NAT10: variants seen among roughly 807,000 people sequenced by gnomAD.
NAT10 encodes RNA cytidine acetyltransferase.
In NAT10, 109 loss-of-function variants were observed where a neutral mutation model predicts 132.2. That is an observed-to-expected ratio of 0.82 (90% confidence interval 0.71 to 0.97). The LOEUF (loss-of-function observed/expected upper bound fraction) is 0.97, where lower values mean the gene tolerates loss of function less well. Ranked by LOEUF, NAT10 falls within the 50% of genes least tolerant of loss-of-function variation. The pLI is 0.00. For missense variants in NAT10, 1,184 were observed against 1,263.4 expected, an observed-to-expected ratio of 0.94 and a Z score of 0.95; for synonymous variants, 479 against 478.0, an observed-to-expected ratio of 1.00 and a Z score of -0.03.
At position 34,134,348 on chromosome 11, in the gene NAT10, G is replaced by C. The variant is rs749592592; in HGVS notation, c.1764G>C (p.Gln588His). 2.0e-5 allele frequency: 32 copies of C among 1,614,108 alleles called. No homozygotes were observed. Among genetic ancestry groups the C allele is most frequent in the Non-Finnish European group, 2.6e-5 (31 of 1,180,048 alleles). Residue 588 changes from glutamine (Q) to histidine (H), a missense_variant, in exon 17 of 29, where the codon CAG (glutamine) becomes CAC (histidine). Gln to His is a conservative substitution (Grantham distance 24). Coordinates refer to ENST00000257829, the MANE Select transcript of NAT10 (RefSeq NM_024662.3). ...QVCLEGEISR[Q>H]SILNSLSRGK... ...GCCTTGAAGGGGAGATTTCTCGCCA[G>C]TCCATCTTGAACAGTCTGTCTCGAG...
chr11:34,118,974 T>G (rs926466679), intron 8 of NAT10, among the ~76,000 whole-genome samples: 1 of 152,240 alleles, frequency 6.6e-6, no homozygotes, highest in African/African-American at 2.4e-5. Flanking sequence ...ACCTGTGTTC[T>G]GAAATTTCAG....
At chr11:34,106,421 AT>A (rs199999125) in intron 1 of NAT10, among the ~76,000 whole-genome samples, 515 of 141,864 alleles carry the variant, frequency 3.6e-3, no homozygotes, top group Admixed American at 4.1e-3. Flanking sequence ...CAGTATAGCT[AT>A]TTTTTTTTTT....
At chr11:34,138,285 G>A (rs138991163) in intron 21 of NAT10, among the ~76,000 whole-genome samples, 82 of 152,284 alleles carry the variant, frequency 5.4e-4, no homozygotes, top group Non-Finnish European at 7.2e-4. Flanking sequence ...TCAGTTGGCT[G>A]GCTGATCTGG....
intron 28 of NAT10, among the ~76,000 whole-genome samples, chr11:34,144,087 T>C (rs1388032685): frequency 6.6e-6 from 1 of 152,202 alleles, no homozygotes; most frequent in Non-Finnish European, 1.5e-5. Flanking sequence ...TCTTAACAAT[T>C]AAGGTCCCCA....
chr11:34,136,738 C>A lies in NAT10; in HGVS notation c.2125C>A (p.Leu709Met), dbSNP rs1453878497. The part of the protein sequence containing the change: ...NERPAERLDY[L>M]GVSYGLTPRL... ...GAGGCCTGCCGAACGCCTGGATTAC[C>A]TGGGTGTTTCCTATGGCTTGACCCC... Residue 709 changes from leucine to methionine, a missense_variant, in exon 20 of 29, where the codon CTG (leucine) becomes ATG (methionine). Coordinates refer to ENST00000257829, the MANE Select transcript of NAT10 (RefSeq NM_024662.3). The A allele has an allele frequency of 6.2e-7, 1 of 1,614,176 alleles. No individual in the cohort carries two copies.
At chr11:34,120,143 G>GT (rs771235436) in intron 8 of NAT10, among the ~76,000 whole-genome samples, 78,937 of 94,162 alleles carry the variant, frequency 0.84, 34,097 homozygotes, top group East Asian at 0.96. Flanking sequence ...GTTGCTGTTG[G>GT]TTTTTTTTTT....
Position 34,112,376 on chromosome 11 carries a change from C to A in NAT10, c.372+153C>A, listed in dbSNP as rs369195501. ...TATTAGTGGAAGTCCTGGCCACTTTCCAAAGTACACTCGGTCACCTACCCC... is the reference window on the plus strand; with the variant it reads ...TATTAGTGGAAGTCCTGGCCACTTTACAAAGTACACTCGGTCACCTACCCC... On this transcript the variant is annotated intron_variant, in intron 4 of 28. Transcript: ENST00000257829. Among the ~76,000 whole-genome samples, 4 of 152,290 alleles carry A rather than the reference C, an allele frequency of 2.6e-5. No individual in the cohort carries two copies. The East Asian group carries it at 7.7e-4, about 29-fold the overall frequency.
In NAT10 at chr11:34,134,366, G is replaced by A. The variant is rs1852168311; in HGVS notation, c.1782G>A (p.Leu594=). The part of the protein sequence containing the change: ...EISRQSILNS[L]SRGKKASGDL... The stretch of plus-strand genomic sequence containing the variant: ...CTCGCCAGTCCATCTTGAACAGTCT[G>A]TCTCGAGGCAAGAAGGCTTCAGGGG... The change falls in exon 17 of 29, where the codon CTG becomes CTA. Residue 594 remains leucine (L), a synonymous_variant. Transcript: ENST00000257829. The A allele has an allele frequency of 3.1e-6, 5 of 1,614,242 alleles. No homozygotes were observed. The highest frequency in any genetic ancestry group is 2.2e-5 in the South Asian group (2 of 91,090).
intron 1 of NAT10, among the ~76,000 whole-genome samples, chr11:34,106,624 A>G (rs1454350794): frequency 6.6e-6 from 1 of 152,202 alleles, no homozygotes; most frequent in Admixed American, 6.5e-5. Context: ...GTGGCCGGCA[A>G]CACAAGGTTT....
At position 34,112,155 on chromosome 11, in the gene NAT10, A is replaced by G; in HGVS notation, c.304A>G (p.Ile102Val). The G allele has an allele frequency of 2.5e-6, 4 of 1,614,238 alleles. No homozygotes were observed. The highest frequency in any genetic ancestry group is 3.4e-6 in the Non-Finnish European group (4 of 1,180,036). The change falls in exon 4 of 29, where the codon ATT (isoleucine) becomes GTT (valine). Residue 102 changes from isoleucine to valine, a missense_variant. Transcript: ENST00000257829. ...TGAACTCTTCATAGCAGCCACAAAC[A>G]TTCGCTACTGCTACTACAACGAGAC... ...PFELFIAATNIRYCYYNETHK... is the reference protein window; with the variant it reads ...PFELFIAATNVRYCYYNETHK...
chr11:34,140,577 G>C lies in NAT10; in HGVS notation c.2592+5G>C, dbSNP rs1428106978. 2 of 1,611,318 alleles carry C rather than the reference G, an allele frequency of 1.2e-6. No individual in the cohort carries two copies. The highest frequency in any genetic ancestry group is 1.7e-4 in the Middle Eastern group (1 of 6,048). ...GCCCTGTCTGCGGCTCAGTCGGTAT[G>C]CTATCTGTTGCTTGCGTGGAGGAGA... On this transcript the variant is annotated splice_donor_5th_base_variant and intron_variant, in intron 24 of 28. Transcript: ENST00000257829.
Position 34,130,795 on chromosome 11 carries a change from T to G in NAT10, c.1245-18T>G. The G allele has an allele frequency of 2.5e-6, 4 of 1,612,972 alleles. No individual in the cohort carries two copies. The highest frequency in any genetic ancestry group is 1.3e-5 in the African/African-American group (1 of 74,996). ...GATTTGGGACCTTGTGCCTGATTCCTTTTGCCTTTGTTTCTAGCTATGAGG... is the reference window on the plus strand; with the variant it reads ...GATTTGGGACCTTGTGCCTGATTCCGTTTGCCTTTGTTTCTAGCTATGAGG... On this transcript the variant is annotated intron_variant, in intron 12 of 28. Transcript: ENST00000257829.
chr11:34,135,248 A>C lies in NAT10; in HGVS notation c.1985A>C (p.Lys662Thr). The change falls in exon 19 of 29, where the codon AAG becomes ACG. Residue 662 changes from lysine to threonine, a missense_variant. Lys to Thr is a moderately conservative substitution (Grantham distance 78, BLOSUM62 -1). Transcript: ENST00000257829. Reference sequence around the variant, plus strand: ...GGCAGGTTTCCTTGTCTGGAGGAAAAGGTCCTTGAGACACCACAGGAAATT... The same window carrying C: ...GGCAGGTTTCCTTGTCTGGAGGAAACGGTCCTTGAGACACCACAGGAAATT... ...YEGRFPCLEEKVLETPQEIHT... is the reference protein window; with the variant it reads ...YEGRFPCLEETVLETPQEIHT... 1 of 1,614,122 alleles carries C rather than the reference A, an allele frequency of 6.2e-7. No individual in the cohort carries two copies. The highest frequency in any genetic ancestry group is 1.1e-5 in the South Asian group (1 of 91,074).
chr11:34,121,858 C>CAAAA (rs34304264), intron 8 of NAT10, among the ~76,000 whole-genome samples: 5 of 36,818 alleles, frequency 1.4e-4, no homozygotes, highest in Admixed American at 4.1e-4. Context: ...GACTCTGTCT[C>CAAAA]AAAAAAAAAA....
At chr11:34,133,460 A>G (rs1004694066) in intron 16 of NAT10, among the ~76,000 whole-genome samples, 7 of 152,220 alleles carry the variant, frequency 4.6e-5, no homozygotes, top group Non-Finnish European at 1.0e-4. Context: ...TGCATTTTGA[A>G]TTAGAGGCTA....
chr11:34,136,709 A>G lies in NAT10; in HGVS notation c.2096A>G (p.Asn699Ser), dbSNP rs1465436377. Residue 699 changes from asparagine to serine, a missense_variant, in exon 20 of 29, where the codon AAT becomes AGT. By Grantham distance (46) the Asn-to-Ser change is conservative (BLOSUM62 1). Coordinates refer to ENST00000257829, the MANE Select transcript of NAT10 (RefSeq NM_024662.3). ...KDLPPLLLKLNERPAERLDYL... is the reference protein window; with the variant it reads ...KDLPPLLLKLSERPAERLDYL... ...CTGCCTCCTTTACTCCTCAAATTGAATGAGAGGCCTGCCGAACGCCTGGAT... is the reference window on the plus strand; with the variant it reads ...CTGCCTCCTTTACTCCTCAAATTGAGTGAGAGGCCTGCCGAACGCCTGGAT... The G allele has an allele frequency of 4.3e-6, 7 of 1,614,070 alleles. No individual in the cohort carries two copies. Among genetic ancestry groups the G allele is most frequent in the South Asian group, 1.1e-5 (1 of 91,070 alleles).
At chr11:34,115,623 GA>G (rs559427367) in intron 5 of NAT10, among the ~76,000 whole-genome samples, 199 bp from the exon 6 acceptor site, 28 of 152,356 alleles carry the variant, frequency 1.8e-4, no homozygotes, top group African/African-American at 6.7e-4. Context: ...GTGGAAAAGT[GA>G]AAGATTTTAA....
At chr11:34,142,481 A>C in intron 27 of NAT10, 133 bp downstream of exon 27, 1 of 746,704 alleles carries the variant, frequency 1.3e-6, no homozygotes. Context: ...GGATGCTAAC[A>C]GTTCTATTTG....
At chr11:34,134,487 T>G (rs1464215321) in intron 17 of NAT10, 25 bp from the exon 18 acceptor site, 1 of 1,613,952 alleles carries the variant, frequency 6.2e-7, no homozygotes, top group Non-Finnish European at 8.5e-7. Flanking sequence ...TGTTGCTAAG[T>G]TACTGGTTTG....
Sources: gnomAD v4.1 joint callset for allele counts (sites outside exome capture counted in the v4.1 genomes callset) on GRCh38, gnomAD v4.1.1 for gene constraint, MANE v1.5 for transcripts, NCBI Gene and HGNC (gene_info 2026-07-23, HGNC 2026-07-21) for gene names.